The following TSC22D1 variants were observed in gnomAD, a reference collection of about 807,000 sequenced individuals.
The protein encoded by TSC22D1 is TSC22 domain family protein 1.
TSC22D1 carries 9 observed loss-of-function variants against 74.2 expected under a neutral mutation model. That is an observed-to-expected ratio of 0.12 (90% CI 0.07 to 0.21). The LOEUF (loss-of-function observed/expected upper bound fraction) is 0.21. Among genes scored for constraint, TSC22D1 ranks in the 10% least tolerant of loss-of-function variants. TSC22D1 has a pLI of 1.00. For synonymous variants in TSC22D1, 586 were observed against 492.5 expected (o/e 1.19, Z -2.51); for missense variants, 1,427 against 1,304.7 (o/e 1.09, Z -1.44).
intron 1 of TSC22D1, among the ~76,000 whole-genome samples, chr13:44,535,708 G>A (rs1400402035): frequency 1.3e-5 from 2 of 151,824 alleles, no homozygotes; most frequent in African/African-American, 2.4e-5. Context: ...AGTTAACCTC[G>A]TCAGTGATGG....
chr13:44,557,018 C>T (rs1882690478), intron 1 of TSC22D1, among the ~76,000 whole-genome samples: 1 of 151,936 alleles, frequency 6.6e-6, no homozygotes, highest in Admixed American at 6.6e-5. Context: ...TGGTGCATGC[C>T]TGTAATCCCA....
chr13:44,509,439 G>A (rs1879585907), intron 1 of TSC22D1, among the ~76,000 whole-genome samples: 3 of 152,224 alleles, frequency 2.0e-5, no homozygotes, highest in Admixed American at 2.0e-4. Flanking sequence ...AGGAGTTTGA[G>A]ACCAGTCTGG....
intron 1 of TSC22D1, chr13:44,437,208 T>C (rs3759471): frequency 0.055 from 54,643 of 985,472 alleles, 1,660 homozygotes; most frequent in African/African-American, 0.12. Flanking sequence ...TCCCCGGAGC[T>C]GTGTCCCGCG....
intron 1 of TSC22D1, chr13:44,537,197 A>C: frequency 1.1e-6 from 1 of 877,100 alleles, no homozygotes; most frequent in Non-Finnish European, 1.4e-6. Context: ...GTTTATATTA[A>C]TATTCATAAA....
chr13:44,449,749 G>A (rs1875972070), intron 1 of TSC22D1, among the ~76,000 whole-genome samples: 1 of 151,838 alleles, frequency 6.6e-6, no homozygotes, highest in South Asian at 2.1e-4. Flanking sequence ...TGAGAATGAG[G>A]GTCACTTTTT....
At chr13:44,504,351 C>T (rs1023029870) in intron 1 of TSC22D1, among the ~76,000 whole-genome samples, 4 of 152,034 alleles carry the variant, frequency 2.6e-5, no homozygotes, top group Admixed American at 1.3e-4. Context: ...GTAGCTCATG[C>T]CTGTAATCCC....
chr13:44,450,907 C>T (rs776506475), intron 1 of TSC22D1, among the ~76,000 whole-genome samples: 11 of 152,204 alleles, frequency 7.2e-5, no homozygotes, highest in South Asian at 6.2e-4. Flanking sequence ...CGGCCACACA[C>T]ACTGGGGCAG....
At chr13:44,548,359 T>TA (rs1246518011) in intron 1 of TSC22D1, among the ~76,000 whole-genome samples, 2 of 152,166 alleles carry the variant, frequency 1.3e-5, no homozygotes, top group African/African-American at 4.8e-5. Context: ...TCTACTAAAA[T>TA]AGAGACACGT....
intron 1 of TSC22D1, among the ~76,000 whole-genome samples, chr13:44,494,402 A>AAAAAAAAC (rs1878869478): frequency 6.8e-6 from 1 of 147,804 alleles, no homozygotes; most frequent in Non-Finnish European, 1.5e-5. Context: ...AAAAAAAAAA[A>AAAAAAAAC]AAAAGATTAG....
Position 44,433,318 on chromosome 13 carries a change from G to A in TSC22D1, c.*1308C>T, listed in dbSNP as rs1442216973. On this transcript the variant is annotated 3_prime_UTR_variant, in exon 3 of 3. Coordinates refer to ENST00000458659, the MANE Select transcript of TSC22D1 (RefSeq NM_183422.4). ...GTCACACAGTAGTTAGAATTGAGCT[G>A]GACTCCTCCACTGTCTCTTCTCTTA... 1 of 152,330 alleles carries A rather than the reference G, an allele frequency of 6.6e-6. No homozygotes were observed. Among genetic ancestry groups the A allele is most frequent in the Non-Finnish European group, 1.5e-5 (1 of 68,160 alleles). 9.4% of individuals were successfully genotyped at this position (152,330 alleles called of 1,614,324 possible). A position where few individuals can be genotyped will look rare whatever the true frequency, so the allele number is the denominator to read the frequency against.
chr13:44,562,038 A>T (rs1271383669), intron 1 of TSC22D1, among the ~76,000 whole-genome samples: 1 of 152,086 alleles, frequency 6.6e-6, no homozygotes, highest in Non-Finnish European at 1.5e-5. Context: ...ACCTTTAAAA[A>T]ATTATATATA....
chr13:44,508,659 C>T (rs756347087), intron 1 of TSC22D1, among the ~76,000 whole-genome samples: 1 of 152,086 alleles, frequency 6.6e-6, no homozygotes, highest in South Asian at 2.1e-4. Flanking sequence ...CAACAAAGCT[C>T]TATTCACAGT....
At chr13:44,456,182 A>G (rs1396495706) in intron 1 of TSC22D1, among the ~76,000 whole-genome samples, 1 of 152,222 alleles carries the variant, frequency 6.6e-6, no homozygotes, top group East Asian at 1.9e-4. Flanking sequence ...AGACCCAAAA[A>G]GTGAGCAGCA....
rs754440180 is a variant in TSC22D1, at chr13:44,574,528, G to C, written c.1547C>G (p.Thr516Ser). 43 of 1,613,992 alleles carry C rather than the reference G, an allele frequency of 2.7e-5. No individual in the cohort carries two copies. The Admixed American group carries it at 6.8e-4, about 26-fold the overall frequency. The change falls in exon 1 of 3, where the codon ACC (threonine) becomes AGC (serine). Residue 516 changes from threonine (T) to serine (S), a missense_variant. Coordinates refer to ENST00000458659, the MANE Select transcript of TSC22D1 (RefSeq NM_183422.4). The stretch of plus-strand genomic sequence containing the variant: ...GCTACCAAAATCCATCTGTTGGAGG[G>C]TCACACCTTGGAGAGCTGGTTGTTG... ...QQQQPALQGV[T>S]LQQMDFGSTG...
chr13:44,491,444 C>G (rs776773019), intron 1 of TSC22D1, among the ~76,000 whole-genome samples: 18 of 151,002 alleles, frequency 1.2e-4, no homozygotes, highest in Non-Finnish European at 2.7e-4. Context: ...GTCCCAGCTA[C>G]TCGGGAAGCT....
intron 1 of TSC22D1, among the ~76,000 whole-genome samples, chr13:44,546,656 G>A (rs1288459327): frequency 1.3e-5 from 2 of 151,992 alleles, no homozygotes; most frequent in Non-Finnish European, 2.9e-5. Context: ...AGAGTAGTTG[G>A]TATTAATTTC....
Position 44,529,430 on chromosome 13 carries a change from A to G in TSC22D1, c.2912+43733T>C, listed in dbSNP as rs111826274. Among the ~76,000 whole-genome samples the G allele has an allele frequency of 1.7e-3, 262 of 152,192 alleles. 2 individuals are homozygous for G. The highest frequency in any genetic ancestry group is 5.9e-3 in the African/African-American group (246 of 41,552). On this transcript the variant is annotated intron_variant, in intron 1 of 2. Coordinates refer to ENST00000458659, the MANE Select transcript of TSC22D1 (RefSeq NM_183422.4). ...AGAGGGAAACTCCCTCAACCTGATA[A>G]AGAGTATCAACAAAAAAAAACCTAC...
intron 1 of TSC22D1, among the ~76,000 whole-genome samples, chr13:44,438,719 C>CGTTGG (rs1319591024): frequency 6.6e-6 from 1 of 151,370 alleles, no homozygotes; most frequent in Non-Finnish European, 1.5e-5. Context: ...CCATTTCCAA[C>CGTTGG]AAAAGGAGAC....
rs111747931 is a variant in TSC22D1, at chr13:44,550,416, T to C, written c.2912+22747A>G. ...GACTAACATGGTGAAATCCCATCTC[T>C]ACTAAAAATACAAAAATTAGCCAGG... is the stretch of plus-strand genomic sequence containing the variant. On this transcript the variant is annotated intron_variant, in intron 1 of 2. Coordinates refer to ENST00000458659, the MANE Select transcript of TSC22D1 (RefSeq NM_183422.4). Among the ~76,000 whole-genome samples the C allele has an allele frequency of 3.0e-4, 45 of 152,118 alleles. 1 individual carries two copies. The highest frequency in any genetic ancestry group is 1.1e-3 in the African/African-American group (45 of 41,508).
Sources: gnomAD v4.1 joint callset for allele counts (sites outside exome capture counted in the v4.1 genomes callset) on GRCh38, gnomAD v4.1.1 for gene constraint, MANE v1.5 for transcripts, NCBI Gene and HGNC (gene_info 2026-07-23, HGNC 2026-07-21) for gene names.